The following CCDC88C variants were observed in gnomAD, a reference collection of about 807,000 sequenced individuals.
CCDC88C encodes protein Daple.
In CCDC88C, 131 loss-of-function variants were observed where a neutral mutation model predicts 198.8. The ratio of observed to expected loss-of-function variants is 0.66; its 90% CI spans 0.57 to 0.76. CCDC88C has a LOEUF of 0.76. Ranked by LOEUF, CCDC88C falls within the 30% of genes least tolerant of loss-of-function variation. CCDC88C has a pLI of 0.00. For synonymous variants in CCDC88C, 1,166 were observed against 1,114.7 expected (o/e 1.05, Z -0.92); for missense variants, 2,553 against 2,631.6 (o/e 0.97, Z 0.65).
chr14:91,367,459 A>G (rs1894594813), intron 3 of CCDC88C, among the ~76,000 whole-genome samples: 1 of 152,180 alleles, frequency 6.6e-6, no homozygotes, highest in African/African-American at 2.4e-5. Context: ...CACCCAGCAC[A>G]CCTCTAGACA....
chr14:91,272,934 G>C lies in CCDC88C; in HGVS notation c.5778C>G (p.Leu1926=), dbSNP rs928638381. Residue 1926 remains leucine, a synonymous_variant, in exon 30 of 30, where the codon CTC becomes CTG. Coordinates refer to ENST00000389857, the MANE Select transcript of CCDC88C (RefSeq NM_001080414.4). ...GGGCTGCAGCAGGTGAGAAGTGCAG[G>C]AGCTGGGAGTTGCTGCCACTGCCAG... ...AAAGSGSNSQ[L]LHFSPAAAPA... 2.6e-6 allele frequency: 4 copies of C among 1,567,390 alleles called. No individual in the cohort carries two copies. The highest frequency in any genetic ancestry group is 4.7e-5 in the East Asian group (2 of 42,724).
chr14:91,326,163 A>C, intron 10 of CCDC88C, 107 bp from the exon 11 acceptor site: 3 of 967,804 alleles, frequency 3.1e-6, no homozygotes, highest in African/African-American at 1.7e-5. Context: ...CAAGCAAACA[A>C]TCTAGAGGGA....
Position 91,297,385 on chromosome 14 carries a change from A to G in CCDC88C, c.3886T>C (p.Trp1296Arg), listed in dbSNP as rs1891056363. ...LNNAQLELNR[W>R]QARFDELKEQ... ...TTCAGCTCGTCGAAGCGGGCCTGCC[A>G]GCGGTTGAGCTCCAGCTGCGCGTTG... The change falls in exon 22 of 30, where the codon TGG becomes CGG. Residue 1296 changes from tryptophan to arginine, a missense_variant. Physicochemically the swap from Trp to Arg is moderately radical, Grantham distance 101. Transcript: ENST00000389857. 6.2e-7 allele frequency: 1 copy of G among 1,613,238 alleles called. No individual in the cohort carries two copies. The highest frequency in any genetic ancestry group is 1.3e-5 in the African/African-American group (1 of 74,922).
intron 21 of CCDC88C, among the ~76,000 whole-genome samples, chr14:91,298,500 G>A (rs1891122523): frequency 6.7e-6 from 1 of 150,292 alleles, no homozygotes; most frequent in Admixed American, 6.6e-5. Context: ...TGTCACTCCA[G>A]CCTCAGTGGC....
At chr14:91,274,185 AAG>A (rs1197295155) in intron 29 of CCDC88C, among the ~76,000 whole-genome samples, 2 of 150,478 alleles carry the variant, frequency 1.3e-5, no homozygotes, top group East Asian at 2.0e-4. Context: ...CGAGAAAGAG[AAG>A]AGAGAGGCAG....
intron 26 of CCDC88C, among the ~76,000 whole-genome samples, chr14:91,282,974 CT>C (rs1299903741): frequency 6.6e-6 from 1 of 152,234 alleles, no homozygotes; most frequent in African/African-American, 2.4e-5. Flanking sequence ...AAACCCCAAA[CT>C]TTTACCAAGG....
chr14:91,377,715 C>G (rs1884525878), intron 3 of CCDC88C, among the ~76,000 whole-genome samples: 1 of 152,216 alleles, frequency 6.6e-6, no homozygotes, highest in Non-Finnish European at 1.5e-5. Flanking sequence ...TTGTGACTTA[C>G]ACAAGATTGA....
intron 26 of CCDC88C, among the ~76,000 whole-genome samples, 200 bp from the exon 27 acceptor site, chr14:91,281,725 A>AT (rs1890207002): frequency 2.0e-5 from 3 of 152,010 alleles, no homozygotes; most frequent in Non-Finnish European, 4.4e-5. Context: ...GACACTCCCG[A>AT]TTCCCATCCC....
intron 13 of CCDC88C, among the ~76,000 whole-genome samples, chr14:91,319,927 AG>A (rs1286328324): frequency 6.8e-6 from 1 of 146,088 alleles, no homozygotes; most frequent in Non-Finnish European, 1.5e-5. Context: ...CGGGAGGCTG[AG>A]GCAGGAGAAT....
chr14:91,318,408 C>T (rs1181649682), intron 13 of CCDC88C, among the ~76,000 whole-genome samples: 1 of 152,000 alleles, frequency 6.6e-6, no homozygotes, highest in Admixed American at 6.6e-5. Context: ...AGAGCAAGAC[C>T]CTGTCTCAAA....
intron 2 of CCDC88C, among the ~76,000 whole-genome samples, chr14:91,410,501 G>GA (rs1705440482): frequency 6.6e-6 from 1 of 152,168 alleles, no homozygotes; most frequent in East Asian, 1.9e-4. Flanking sequence ...GTACAGTGAT[G>GA]GAGTGTGGCC....
intron 13 of CCDC88C, among the ~76,000 whole-genome samples, chr14:91,316,504 C>T (rs1487275281): frequency 1.3e-5 from 2 of 151,868 alleles, no homozygotes; most frequent in Non-Finnish European, 2.9e-5. Context: ...CTCACTGCAA[C>T]CTCCGCCTCC....
In CCDC88C at chr14:91,273,443, G is replaced by A. The variant is rs1310528199; in HGVS notation, c.5269C>T (p.Leu1757=). ...CTGGGTGGGGCCTCGGCCTCAGTCA[G>A]TCTGAAGTTTGGCTTTACGTACTGC... is the stretch of plus-strand genomic sequence containing the variant. ...PGQYVKPNFR[L]TEAEAPPSVA... is the part of the protein sequence containing the mutation. The change falls in exon 30 of 30, where the codon CTG becomes TTG. Residue 1757 remains leucine (L), a synonymous_variant. Coordinates refer to ENST00000389857, the MANE Select transcript of CCDC88C (RefSeq NM_001080414.4). The surrounding 1 kb of genome is among the most constrained non-coding windows in gnomAD (Gnocchi z 5.6). 1.3e-6 allele frequency: 2 copies of A among 1,587,394 alleles called. No individual in the cohort carries two copies. Among genetic ancestry groups the A allele is most frequent in the Non-Finnish European group, 1.7e-6 (2 of 1,165,352 alleles).
chr14:91,395,182 T>G (rs563570771), intron 3 of CCDC88C, among the ~76,000 whole-genome samples: 2 of 152,136 alleles, frequency 1.3e-5, no homozygotes, highest in Non-Finnish European at 2.9e-5. Context: ...CTCTTGGTTG[T>G]TTTTCCATTT....
intron 10 of CCDC88C, among the ~76,000 whole-genome samples, chr14:91,336,384 A>G (rs944706415): frequency 6.6e-6 from 1 of 152,208 alleles, no homozygotes; most frequent in Admixed American, 6.5e-5. Context: ...TCCACAAATC[A>G]GGGTGCAGGG....
At chr14:91,327,602 C>T (rs903019154) in intron 10 of CCDC88C, among the ~76,000 whole-genome samples, 1 of 152,208 alleles carries the variant, frequency 6.6e-6, no homozygotes, top group Non-Finnish European at 1.5e-5. Context: ...GCCGCAGACC[C>T]GGTGCTCTCC....
Position 91,343,635 on chromosome 14 carries a change from C to T in CCDC88C, c.363G>A (p.Lys121=), listed in dbSNP as rs555308637. 1 of 1,613,822 alleles carries T rather than the reference C, an allele frequency of 6.2e-7. No individual in the cohort carries two copies. The highest frequency in any genetic ancestry group is 1.3e-5 in the African/African-American group (1 of 75,030). The change falls in exon 5 of 30, where the codon AAG becomes AAA. Residue 121 remains lysine, a synonymous_variant. Coordinates refer to ENST00000389857, the MANE Select transcript of CCDC88C (RefSeq NM_001080414.4). ...PLSGKSMEEI[K]KVLLLVLGCA... is the part of the protein sequence containing the mutation. ...AGCCCAGCACCAGCAGCAGCACCTTCTTGATTTCCTCCATGCTCTTCCCTA... is the reference window on the plus strand; with the variant it reads ...AGCCCAGCACCAGCAGCAGCACCTTTTTGATTTCCTCCATGCTCTTCCCTA...
intron 3 of CCDC88C, among the ~76,000 whole-genome samples, chr14:91,365,793 G>C (rs1894506095): frequency 1.3e-5 from 2 of 152,108 alleles, no homozygotes; most frequent in Non-Finnish European, 2.9e-5. Flanking sequence ...GCATGAAAGA[G>C]GTGTGAGATT....
At chr14:91,372,185 T>A (rs1455158178) in intron 3 of CCDC88C, among the ~76,000 whole-genome samples, 1 of 152,032 alleles carries the variant, frequency 6.6e-6, no homozygotes, top group Non-Finnish European at 1.5e-5. Context: ...GGGTGTCTGA[T>A]GGCATGCCAG....
Sources: allele counts gnomAD v4.1 joint callset (sites outside exome capture counted in the v4.1 genomes callset), GRCh38; gene constraint gnomAD v4.1.1; non-coding constraint Gnocchi (gnomAD v3.1); transcripts MANE v1.5; gene names NCBI Gene and HGNC (gene_info 2026-07-23, HGNC 2026-07-21).